SMPDL3B: variants seen among roughly 807,000 people sequenced by gnomAD.
SMPDL3B encodes acid sphingomyelinase-like phosphodiesterase 3b.
SMPDL3B carries 31 observed loss-of-function variants against 37.9 expected under a neutral mutation model. The observed-to-expected ratio is 0.82, with a 90% confidence interval of 0.61 to 1.10. SMPDL3B has a LOEUF of 1.10. Ranked by LOEUF, SMPDL3B falls within the 50% of genes least tolerant of loss-of-function variation. The probability of loss-of-function intolerance (pLI) is 0.00; values close to 1 mark genes in which losing one functional copy is unlikely to be tolerated. For synonymous variants in SMPDL3B, 235 were observed against 242.6 expected (o/e 0.97, Z 0.29); for missense variants, 525 against 597.8 (o/e 0.88, Z 1.27).
chr1:27,937,452 G>A (rs1194806312), intron 1 of SMPDL3B, among the ~76,000 whole-genome samples: 1 of 152,210 alleles, frequency 6.6e-6, no homozygotes, highest in Non-Finnish European at 1.5e-5. Flanking sequence ...GTAAATGTAG[G>A]TTTTAACAAA....
At position 27,958,118 on chromosome 1, in the gene SMPDL3B, T is replaced by C. The variant is rs768516329; in HGVS notation, c.1006-358T>C. Among the ~76,000 whole-genome samples the C allele has an allele frequency of 2.0e-4, 31 of 152,216 alleles. No individual in the cohort carries two copies. The highest frequency in any genetic ancestry group is 4.1e-4 in the Non-Finnish European group (28 of 68,040). On this transcript the variant is annotated intron_variant, in intron 7 of 7. Transcript: ENST00000373894. The surrounding 1 kb of genome is among the most constrained non-coding windows in gnomAD (Gnocchi z 5.6). ...TTATGTTGCTTTTATCTATTCATTA[T>C]GTAAATATTTACTGAGCGTCTTCTA... is the stretch of plus-strand genomic sequence containing the variant.
intron 7 of SMPDL3B, among the ~76,000 whole-genome samples, chr1:27,957,718 G>A (rs1638332023): frequency 6.6e-6 from 1 of 152,154 alleles, no homozygotes; most frequent in Non-Finnish European, 1.5e-5. Context: ...ATGGCAGGCT[G>A]CACCATCACC....
At chr1:27,953,165 C>T (rs1557498219) in intron 3 of SMPDL3B, 50 bp from the exon 4 acceptor site, 13 of 1,487,540 alleles carry the variant, frequency 8.7e-6, no homozygotes, top group Non-Finnish European at 1.2e-5. Context: ...TGATTAACTC[C>T]CCCGAGTGCT....
chr1:27,943,739 C>T (rs2090379360), intron 1 of SMPDL3B, among the ~76,000 whole-genome samples: 1 of 152,138 alleles, frequency 6.6e-6, no homozygotes, highest in Non-Finnish European at 1.5e-5. Flanking sequence ...TGGCTCACGC[C>T]TGTAATGCCA....
At chr1:27,941,876 A>G (rs931954552) in intron 1 of SMPDL3B, among the ~76,000 whole-genome samples, 1 of 152,102 alleles carries the variant, frequency 6.6e-6, no homozygotes, top group Non-Finnish European at 1.5e-5. Context: ...AGGAGGCTGG[A>G]CCCCAAGGAG....
chr1:27,939,733 A>C (rs951024539), intron 1 of SMPDL3B, among the ~76,000 whole-genome samples: 14 of 152,178 alleles, frequency 9.2e-5, no homozygotes, highest in African/African-American at 3.4e-4. Context: ...AGGTGGGAGA[A>C]TCAGTTGAGC....
intron 2 of SMPDL3B, among the ~76,000 whole-genome samples, chr1:27,948,139 TC>T (rs995576855): frequency 1.2e-4 from 18 of 152,202 alleles, no homozygotes; most frequent in African/African-American, 4.1e-4. Flanking sequence ...GTACAATTTT[TC>T]CCCCGTGTCT....
At chr1:27,939,020 A>G (rs558670574) in intron 1 of SMPDL3B, 5 of 152,192 alleles carry the variant, frequency 3.3e-5, no homozygotes, top group Admixed American at 2.0e-4. Flanking sequence ...CACTGTGATC[A>G]TTTCCATTCT....
intron 1 of SMPDL3B, chr1:27,942,324 A>C (rs5018921): frequency 0.72 from 338,239 of 469,854 alleles, 123,426 homozygotes; most frequent in South Asian, 0.8. Flanking sequence ...GGCCTCCCCC[A>C]ACATCCATCC....
At position 27,958,554 on chromosome 1, in the gene SMPDL3B, A is replaced by T; in HGVS notation, c.1084A>T (p.Thr362Ser). The T allele has an allele frequency of 6.2e-7, 1 of 1,613,912 alleles. No individual in the cohort carries two copies. Residue 362 changes from threonine (T) to serine (S), a missense_variant, in exon 8 of 8, where the codon ACC becomes TCC. By Grantham distance (58) the Thr-to-Ser change is moderately conservative. Coordinates refer to ENST00000373894, the MANE Select transcript of SMPDL3B (RefSeq NM_014474.4). This position sits in a 1 kb window ranked among gnomAD's most constrained non-coding sequence, Gnocchi z 5.6. Reference sequence around the variant, plus strand: ...GCGCTGGGAGCTCGAGTACCAGCTGACCGAGGCCTATGGGGTGCCGGACGC... The same window carrying T: ...GCGCTGGGAGCTCGAGTACCAGCTGTCCGAGGCCTATGGGGTGCCGGACGC... Reference protein sequence around the residue: ...TPRWELEYQLTEAYGVPDASA... With the variant: ...TPRWELEYQLSEAYGVPDASA...
intron 1 of SMPDL3B, among the ~76,000 whole-genome samples, chr1:27,941,264 A>ACCCCAAAGCTTTGG (rs1252536479): frequency 6.6e-6 from 1 of 152,174 alleles, no homozygotes; most frequent in East Asian, 1.9e-4. Flanking sequence ...GGGGTCAGAG[A>ACCCCAAAGCTTTGG]GGTCTGGGTT....
intron 2 of SMPDL3B, among the ~76,000 whole-genome samples, chr1:27,947,593 G>A (rs527655358): frequency 1.2e-4 from 17 of 143,380 alleles, no homozygotes; most frequent in Non-Finnish European, 1.8e-4. Flanking sequence ...ACTCCAGCCT[G>A]GGTGACAGAG....
At chr1:27,936,014 C>G (rs1263688070) in intron 1 of SMPDL3B, among the ~76,000 whole-genome samples, 1 of 152,078 alleles carries the variant, frequency 6.6e-6, no homozygotes, top group Non-Finnish European at 1.5e-5. Flanking sequence ...TGGATAGCCT[C>G]GAAGACTCTC....
At chr1:27,949,559 G>T (rs1295108732) in intron 3 of SMPDL3B, among the ~76,000 whole-genome samples, 1 of 152,152 alleles carries the variant, frequency 6.6e-6, no homozygotes, top group Non-Finnish European at 1.5e-5. Flanking sequence ...GGCTGCCAGG[G>T]CCTCTGGGAA....
rs2090399641 is a variant in SMPDL3B at position 27,945,504 on chromosome 1, C to T, written c.275+59C>T. 1.5e-6 allele frequency: 2 copies of T among 1,359,678 alleles called. No individual in the cohort carries two copies. The highest frequency in any genetic ancestry group is 2.9e-5 in the African/African-American group (2 of 69,952). The allele number at this position is 1,359,678 out of a possible 1,614,324, so 84.2% of individuals were successfully genotyped here. On this transcript the variant is annotated intron_variant, in intron 2 of 7. Coordinates refer to ENST00000373894, the MANE Select transcript of SMPDL3B (RefSeq NM_014474.4). This position sits in a 1 kb window ranked among gnomAD's most constrained non-coding sequence, Gnocchi z 4.0. ...CAGGCATCTGCTATGTGCTACATACCAGTCTGGCCCTTTGCCCACATTATC... is the reference window on the plus strand; with the variant it reads ...CAGGCATCTGCTATGTGCTACATACTAGTCTGGCCCTTTGCCCACATTATC...
intron 1 of SMPDL3B, 50 bp downstream of exon 1, chr1:27,935,294 TG>T: frequency 6.3e-6 from 9 of 1,424,582 alleles, no homozygotes; most frequent in Non-Finnish European, 8.9e-6. Context: ...CTGTGAACTC[TG>T]GGGCTGCGGG....
At chr1:27,954,704 G>T (rs187829057) in intron 5 of SMPDL3B, among the ~76,000 whole-genome samples, 178 bp downstream of exon 5, 57 of 152,264 alleles carry the variant, frequency 3.7e-4, no homozygotes, top group Middle Eastern at 6.8e-3. Context: ...CTGGGATCTG[G>T]AGCCCACTGC....
intron 2 of SMPDL3B, among the ~76,000 whole-genome samples, chr1:27,947,373 C>G (rs2148677046): frequency 6.6e-6 from 1 of 152,020 alleles, no homozygotes; most frequent in Non-Finnish European, 1.5e-5. Context: ...TCTCTGAGAC[C>G]TTGAAGAGGT....
rs919530400 is a variant in SMPDL3B at position 27,958,821 on chromosome 1, T to C, written c.1351T>C (p.Cys451Arg). ...PLLLMALLGL[C>R]TLVL ...GCTGCTGATGGCCCTGCTGGGCCTGTGCACGCTCGTGCTGTGACCTGCCAG... is the reference window on the plus strand; with the variant it reads ...GCTGCTGATGGCCCTGCTGGGCCTGCGCACGCTCGTGCTGTGACCTGCCAG... Residue 451 changes from cysteine to arginine, a missense_variant, in exon 8 of 8, where the codon TGC (cysteine) becomes CGC (arginine). Coordinates refer to ENST00000373894, the MANE Select transcript of SMPDL3B (RefSeq NM_014474.4). The surrounding 1 kb of genome is among the most constrained non-coding windows in gnomAD (Gnocchi z 5.6). 2 of 1,593,624 alleles carry C rather than the reference T, an allele frequency of 1.3e-6. No individual in the cohort carries two copies. The highest frequency in any genetic ancestry group is 1.7e-5 in the Admixed American group (1 of 58,924).
Sources: gnomAD v4.1 joint callset for allele counts (sites outside exome capture counted in the v4.1 genomes callset) on GRCh38, gnomAD v4.1.1 for gene constraint, Gnocchi (gnomAD v3.1) non-coding constraint, MANE v1.5 for transcripts, NCBI Gene and HGNC (gene_info 2026-07-23, HGNC 2026-07-21) for gene names.